AGTPBP1: variants seen among roughly 807,000 people sequenced by gnomAD.
AGTPBP1 encodes ATP/GTP binding carboxypeptidase 1, also known as cytosolic carboxypeptidase 1.
AGTPBP1 carries 70 observed loss-of-function variants against 143.9 expected under a neutral mutation model. That is an observed-to-expected ratio of 0.49 (90% CI 0.40 to 0.59). The LOEUF (loss-of-function observed/expected upper bound fraction) is 0.59. Ranked by LOEUF, AGTPBP1 falls within the 20% of genes least tolerant of loss-of-function variation. The pLI is 0.00. For missense variants in AGTPBP1, 1,229 were observed against 1,464.5 expected, an observed-to-expected ratio of 0.84 and a Z score of 2.62; for synonymous variants, 463 against 500.2, an observed-to-expected ratio of 0.93 and a Z score of 0.99.
At position 85,597,517 on chromosome 9, in the gene AGTPBP1, T is replaced by C. The variant is rs539169159; in HGVS notation, c.2336-1068A>G. ...ATTCCATGTAATATTTGCCACTTTT[T>C]TGCAAATCAACTTTGTTATGTTTAA... is the stretch of plus-strand genomic sequence containing the variant. On this transcript the variant is annotated intron_variant, in intron 17 of 25. Transcript: ENST00000357081. 3.3e-5 allele frequency among the ~76,000 whole-genome samples: 5 copies of C among 152,240 alleles called. No individual in the cohort carries two copies. The South Asian group carries it at 1.0e-3, about 32-fold the overall frequency.
chr9:85,802,999 G>A, the AGTPBP1 span, among the ~76,000 whole-genome samples: 1 of 152,212 alleles, frequency 6.6e-6, no homozygotes, highest in Non-Finnish European at 1.5e-5. Context: ...GAGAAGGGGA[G>A]ACTAAATTAT....
At chr9:85,596,261 A>G in intron 18 of AGTPBP1, 101 bp downstream of exon 18, 1 of 751,022 alleles carries the variant, frequency 1.3e-6, no homozygotes, top group Non-Finnish European at 2.1e-6. Flanking sequence ...AATTCAAAGT[A>G]TGCAATAATA....
chr9:85,786,114 A>G, the AGTPBP1 span: 1 of 1,587,626 alleles, frequency 6.3e-7, no homozygotes, highest in East Asian at 2.2e-5. Flanking sequence ...ATAAGGCTGG[A>G]GATGGAGTCC....
At chr9:85,725,771 C>G (rs116463394) in intron 1 of AGTPBP1, among the ~76,000 whole-genome samples, 4,228 of 152,042 alleles carry the variant, frequency 0.028, 197 homozygotes, top group African/African-American at 0.096. Flanking sequence ...TTAGGTCAGG[C>G]GCAGTGGCTC....
At chr9:85,778,014 C>T in the AGTPBP1 span, among the ~76,000 whole-genome samples, 2 of 152,166 alleles carry the variant, frequency 1.3e-5, no homozygotes, top group African/African-American at 2.4e-5. Flanking sequence ...CTTCTCTTCC[C>T]CTGTCAACTG....
intron 11 of AGTPBP1, among the ~76,000 whole-genome samples, chr9:85,650,489 T>C (rs996969639): frequency 5.3e-5 from 8 of 152,324 alleles, no homozygotes; most frequent in Admixed American, 2.0e-4. Context: ...CTAGCTTACT[T>C]TGTTGTACAG....
chr9:85,679,850 T>C (rs1835059108), intron 4 of AGTPBP1, among the ~76,000 whole-genome samples: 1 of 152,234 alleles, frequency 6.6e-6, no homozygotes, highest in South Asian at 2.1e-4. Flanking sequence ...TAGTTTCTAT[T>C]TCTTCATACT....
rs57074552 is a variant in AGTPBP1 at position 85,599,110 on chromosome 9, AACACAC to A, written c.2336-2667_2336-2662del. ...CCATTCGTTTTCAACCTTGTCACTG[AACACAC>A]ACACACACACACACACACACACACA... On this transcript the variant is annotated intron_variant, in intron 17 of 25. Transcript: ENST00000357081. Among the ~76,000 whole-genome samples, 919 of 135,456 alleles carry A rather than the reference AACACAC, an allele frequency of 6.8e-3. 12 individuals carry two copies. Among genetic ancestry groups the A allele is most frequent in the African/African-American group, 0.018 (646 of 35,426 alleles). The allele number at this position is 135,456 out of a possible 152,430, so 88.9% of individuals were successfully genotyped here. A position where few individuals can be genotyped will look rare whatever the true frequency, so the allele number is the denominator to read the frequency against.
Position 85,586,867 on chromosome 9 carries a change from C to CA in AGTPBP1, c.2996dup (p.Leu1000ValfsTer16). 6.2e-7 allele frequency: 1 copy of CA among 1,613,990 alleles called. No homozygotes were observed. Among genetic ancestry groups the CA allele is most frequent in the East Asian group, 2.2e-5 (1 of 44,838 alleles). Reference sequence around the variant, plus strand: ...GCTTCACTGCAGCCAAGTATTGCAACAGCCCCTTAGCATGGTAAATTGTAG... The same window carrying CA: ...GCTTCACTGCAGCCAAGTATTGCAACAAGCCCCTTAGCATGGTAAATTGTAG... On this transcript the variant is annotated frameshift_variant, in exon 22 of 26. Transcript: ENST00000357081. LOFTEE classifies it high-confidence loss of function.
At position 85,672,541 on chromosome 9, in the gene AGTPBP1, A is replaced by C. The variant is rs771230194; in HGVS notation, c.568+9T>G. 1 of 1,606,406 alleles carries C rather than the reference A, an allele frequency of 6.2e-7. No homozygotes were observed. The highest frequency in any genetic ancestry group is 1.3e-5 in the African/African-American group (1 of 74,388). The stretch of plus-strand genomic sequence containing the variant: ...CACTGAGTTAACTAAAAGCCACCTA[A>C]ATACTCACAGTTGGCAGAATATACT... On this transcript the variant is annotated intron_variant, in intron 7 of 25. Transcript: ENST00000357081.
intron 25 of AGTPBP1, among the ~76,000 whole-genome samples, chr9:85,570,687 G>A (rs1827401612): frequency 6.6e-6 from 1 of 152,118 alleles, no homozygotes; most frequent in Non-Finnish European, 1.5e-5. Context: ...AGAGATTCTA[G>A]CTCAACACTC....
the AGTPBP1 span, among the ~76,000 whole-genome samples, chr9:85,800,213 G>A: frequency 2.0e-5 from 3 of 152,272 alleles, no homozygotes; most frequent in Admixed American, 1.3e-4. Context: ...TCTATCTTCC[G>A]GTGAATTTGG....
the AGTPBP1 span, among the ~76,000 whole-genome samples, chr9:85,798,657 T>C: frequency 6.6e-6 from 1 of 152,152 alleles, no homozygotes; most frequent in Non-Finnish European, 1.5e-5. Flanking sequence ...ACACCTGGCC[T>C]CTAAAGCTCT....
the AGTPBP1 span, among the ~76,000 whole-genome samples, chr9:85,763,594 T>G: frequency 1.3e-5 from 2 of 151,768 alleles, no homozygotes; most frequent in Non-Finnish European, 2.9e-5. Context: ...TTGATTTAAC[T>G]AAAAACTATA....
At chr9:85,661,075 T>C in intron 8 of AGTPBP1, 102 bp from the exon 9 acceptor site, 3 of 1,009,496 alleles carry the variant, frequency 3.0e-6, no homozygotes, top group Non-Finnish European at 4.3e-6. Context: ...TATTCTATTA[T>C]CTATTCCAAA....
chr9:85,761,375 A>G, the AGTPBP1 span, among the ~76,000 whole-genome samples: 3 of 152,200 alleles, frequency 2.0e-5, no homozygotes, highest in South Asian at 6.2e-4. Flanking sequence ...TTCAAACTAT[A>G]CTACAAGGCT....
rs549218683 is a variant in AGTPBP1 at position 85,730,346 on chromosome 9, T to C, written c.-34+11429A>G. Among the ~76,000 whole-genome samples the C allele has an allele frequency of 3.3e-5, 5 of 152,328 alleles. No individual in the cohort carries two copies. The East Asian group carries it at 9.6e-4, about 29-fold the overall frequency. On this transcript the variant is annotated intron_variant, in intron 1 of 25. Coordinates refer to ENST00000357081, the MANE Select transcript of AGTPBP1 (RefSeq NM_001330701.2). Reference sequence around the variant, plus strand: ...ATTTGTGTCCTTTAAATATCTTTTTTATCTGCCAGCTGACATGACATTAAG... The same window carrying C: ...ATTTGTGTCCTTTAAATATCTTTTTCATCTGCCAGCTGACATGACATTAAG...
At chr9:85,625,149 A>G (rs1831192026) in intron 14 of AGTPBP1, among the ~76,000 whole-genome samples, 1 of 152,266 alleles carries the variant, frequency 6.6e-6, no homozygotes, top group Non-Finnish European at 1.5e-5. Flanking sequence ...TTTGTGAAAT[A>G]AACATATCTC....
chr9:85,664,860 C>G (rs1834041272), intron 8 of AGTPBP1, among the ~76,000 whole-genome samples: 1 of 152,124 alleles, frequency 6.6e-6, no homozygotes, highest in East Asian at 1.9e-4. Flanking sequence ...CAATATGTTT[C>G]TTACCATTAC....
Sources: gnomAD v4.1 joint callset for allele counts (sites outside exome capture counted in the v4.1 genomes callset) on GRCh38, gnomAD v4.1.1 for gene constraint, MANE v1.5 for transcripts, NCBI Gene and HGNC (gene_info 2026-07-23, HGNC 2026-07-21) for gene names.